MAN2A1: variants seen among roughly 807,000 people sequenced by gnomAD.
The protein encoded by MAN2A1 is alpha-mannosidase 2.
MAN2A1 carries 76 observed loss-of-function variants against 142.6 expected under a neutral mutation model. The observed-to-expected ratio is 0.53, with a 90% CI of 0.44 to 0.65. The LOEUF (loss-of-function observed/expected upper bound fraction) is 0.65. Ranked by LOEUF, MAN2A1 falls within the 30% of genes least tolerant of loss-of-function variation. MAN2A1 has a pLI of 0.00. For synonymous variants in MAN2A1, 559 were observed against 473.2 expected, an observed-to-expected ratio of 1.18 and a Z score of -2.35; for missense variants, 1,311 against 1,365.1, an observed-to-expected ratio of 0.96 and a Z score of 0.62.
chr5:109,754,932 C>CGGAGGTTGCAGTGAGGT, intron 4 of MAN2A1, among the ~76,000 whole-genome samples: 1 of 152,140 alleles, frequency 6.6e-6, no homozygotes, highest in South Asian at 2.1e-4. Context: ...ACCTGGGAGG[C>CGGAGGTTGCAGTGAGGT]GGAGGTTGCA....
rs573778163 is a variant in MAN2A1 at position 109,707,449 on chromosome 5, A to G, written c.136-6071A>G. On this transcript the variant is annotated intron_variant, in intron 1 of 21. Coordinates refer to ENST00000261483, the MANE Select transcript of MAN2A1 (RefSeq NM_002372.4). ...GCTGTGTGCTAGGTAGGTAGGCATC[A>G]GGGTACAGTACATTGAGTAAAACAG... Among the ~76,000 whole-genome samples the G allele has an allele frequency of 2.0e-5, 3 of 152,240 alleles. No homozygotes were observed. The South Asian group carries it at 6.2e-4, about 32-fold the overall frequency.
chr5:109,709,371 A>C (rs992320831), intron 1 of MAN2A1, among the ~76,000 whole-genome samples: 6 of 152,220 alleles, frequency 3.9e-5, no homozygotes, highest in African/African-American at 1.4e-4. Context: ...GGGTTTAATC[A>C]AAAGGGCAAA....
intron 2 of MAN2A1, among the ~76,000 whole-genome samples, chr5:109,714,161 A>G (rs1270525444): frequency 6.7e-6 from 1 of 150,006 alleles, no homozygotes; most frequent in East Asian, 1.9e-4. Flanking sequence ...TAGATTTTGT[A>G]CAAAGTAAGG....
chr5:109,780,725 C>A (rs907799646), intron 8 of MAN2A1, among the ~76,000 whole-genome samples: 1 of 152,136 alleles, frequency 6.6e-6, no homozygotes, highest in African/African-American at 2.4e-5. Flanking sequence ...AAACGAATTT[C>A]TTACTGCTGA....
At position 109,823,608 on chromosome 5, in the gene MAN2A1, A is replaced by G. The variant is rs573049952; in HGVS notation, c.2452-115A>G. 1.2e-4 allele frequency: 74 copies of G among 615,312 alleles called. 1 individual carries two copies. In the East Asian group the frequency reaches 2.1e-3, roughly 18 times the overall value. 38.1% of individuals were successfully genotyped at this position (615,312 alleles called of 1,614,324 possible). A position where few individuals can be genotyped will look rare whatever the true frequency, so the allele number is the denominator to read the frequency against. ...ACCTTGTAAGATCTGGTTTACACTTAAAATTGCAAATATCAGGTGATACGT... is the reference window on the plus strand; with the variant it reads ...ACCTTGTAAGATCTGGTTTACACTTGAAATTGCAAATATCAGGTGATACGT... On this transcript the variant is annotated intron_variant, in intron 15 of 21. Coordinates refer to ENST00000261483, the MANE Select transcript of MAN2A1 (RefSeq NM_002372.4).
intron 2 of MAN2A1, among the ~76,000 whole-genome samples, chr5:109,714,525 A>T (rs1053003588): frequency 1.3e-5 from 2 of 152,284 alleles, no homozygotes; most frequent in East Asian, 3.8e-4. Flanking sequence ...AGGGCAATGG[A>T]GTCGAAAACC....
intron 4 of MAN2A1, among the ~76,000 whole-genome samples, chr5:109,750,059 A>G (rs1752505060): frequency 6.6e-6 from 1 of 152,074 alleles, no homozygotes; most frequent in Non-Finnish European, 1.5e-5. Context: ...AAGTATTTCC[A>G]GACATATTGT....
chr5:109,742,226 C>T (rs1464533488), intron 4 of MAN2A1, among the ~76,000 whole-genome samples: 1 of 152,150 alleles, frequency 6.6e-6, no homozygotes, highest in African/African-American at 2.4e-5. Flanking sequence ...AGTGGAGAAA[C>T]CCACGAATTA....
At position 109,755,455 on chromosome 5, in the gene MAN2A1, A is replaced by G. The variant is rs1752663647; in HGVS notation, c.834A>G (p.Ile278Met). ...GACATCAGTGGCTGGAAAATAATATAGGTATGTATTGGTATATTCTTTATT... is the reference window on the plus strand; with the variant it reads ...GACATCAGTGGCTGGAAAATAATATGGGTATGTATTGGTATATTCTTTATT... ...IEGHQWLENN[I>M]GVKPRSGWAI... is the part of the protein sequence containing the mutation. The change falls in exon 5 of 22, where the codon ATA becomes ATG. Residue 278 changes from isoleucine (I) to methionine (M), a missense_variant and splice_region_variant. This residue lies in a region of MAN2A1 where 409 missense variants were observed against 412.7 expected (regional missense o/e 0.99). Coordinates refer to ENST00000261483, the MANE Select transcript of MAN2A1 (RefSeq NM_002372.4). 1.2e-6 allele frequency: 2 copies of G among 1,610,524 alleles called. No homozygotes were observed. The highest frequency in any genetic ancestry group is 1.7e-6 in the Non-Finnish European group (2 of 1,177,124).
At chr5:109,840,851 C>T (rs1323279132) in intron 16 of MAN2A1, among the ~76,000 whole-genome samples, 1 of 151,994 alleles carries the variant, frequency 6.6e-6, no homozygotes, top group African/African-American at 2.4e-5. Context: ...TCACGGGTGC[C>T]AGCCCCGACA....
rs575914511 is a variant in MAN2A1 at position 109,806,307 on chromosome 5, A to G, written c.1944-10966A>G. 1.6e-4 allele frequency among the ~76,000 whole-genome samples: 24 copies of G among 152,220 alleles called. 1 individual carries two copies. The highest frequency in any genetic ancestry group is 2.4e-4 in the Non-Finnish European group (16 of 68,026). ...CTGGCTGTACCATTTCTATGGCTAC[A>G]TAACCATGAGTAGGATACAGAACCA... is the stretch of plus-strand genomic sequence containing the variant. On this transcript the variant is annotated intron_variant, in intron 12 of 21. Transcript: ENST00000261483.
intron 5 of MAN2A1, among the ~76,000 whole-genome samples, chr5:109,760,669 T>G (rs1030760323): frequency 1.3e-5 from 2 of 152,214 alleles, no homozygotes; most frequent in African/African-American, 4.8e-5. Flanking sequence ...ATGATCGCTT[T>G]TCTAACTGGG....
At chr5:109,814,099 G>A (rs1254478747) in intron 12 of MAN2A1, among the ~76,000 whole-genome samples, 5 of 152,258 alleles carry the variant, frequency 3.3e-5, no homozygotes, top group East Asian at 1.9e-4. Context: ...CAGATGATAC[G>A]TAAGAAGCTA....
rs1223122925 is a variant in MAN2A1, at chr5:109,867,180, C to G, written c.*182C>G. ...AAGAAAAAAAAAAAAAAAAAAAAAGCCATGCTATCAATCAAGATTCTTTTT... is the reference window on the plus strand; with the variant it reads ...AAGAAAAAAAAAAAAAAAAAAAAAGGCATGCTATCAATCAAGATTCTTTTT... On this transcript the variant is annotated 3_prime_UTR_variant, in exon 22 of 22. Transcript: ENST00000261483. 1 of 360,162 alleles carries G rather than the reference C, an allele frequency of 2.8e-6. No individual in the cohort carries two copies. The highest frequency in any genetic ancestry group is 4.8e-6 in the Non-Finnish European group (1 of 206,410). The allele number at this position is 360,162 out of a possible 1,614,324, so 22.3% of individuals were successfully genotyped here.
At chr5:109,861,852 G>T (rs926725391) in intron 20 of MAN2A1, among the ~76,000 whole-genome samples, 2 of 152,142 alleles carry the variant, frequency 1.3e-5, no homozygotes, top group Admixed American at 1.3e-4. Flanking sequence ...ACCTACAGAG[G>T]ATATCCCATC....
At chr5:109,837,865 C>T (rs990608018) in intron 16 of MAN2A1, among the ~76,000 whole-genome samples, 3 of 152,068 alleles carry the variant, frequency 2.0e-5, no homozygotes, top group Admixed American at 2.0e-4. Flanking sequence ...AAACTTTATC[C>T]ATAGCCCAGT....
At chr5:109,831,075 TTGTGTTTTA>T (rs545388679) in intron 16 of MAN2A1, among the ~76,000 whole-genome samples, 7 of 152,338 alleles carry the variant, frequency 4.6e-5, no homozygotes, top group African/African-American at 1.7e-4. Flanking sequence ...GCCAGTTCTC[TTGTGTTTTA>T]TTCCCAGGCC....
chr5:109,781,636 C>A, intron 9 of MAN2A1, 38 bp downstream of exon 9: 1 of 1,365,454 alleles, frequency 7.3e-7, no homozygotes, highest in Non-Finnish European at 1.0e-6. Flanking sequence ...TATTTTTTCA[C>A]TTTATATTAT....
At chr5:109,706,066 C>T (rs1034233635) in intron 1 of MAN2A1, among the ~76,000 whole-genome samples, 1 of 152,224 alleles carries the variant, frequency 6.6e-6, no homozygotes, top group Non-Finnish European at 1.5e-5. Context: ...ATATCTTTGA[C>T]TAAACATTAT....
Sources: allele counts gnomAD v4.1 joint callset (sites outside exome capture counted in the v4.1 genomes callset), GRCh38; gene constraint gnomAD v4.1.1; regional missense constraint gnomAD v4.1.1; transcripts MANE v1.5; gene names NCBI Gene and HGNC (gene_info 2026-07-23, HGNC 2026-07-21).